The following BANP variants were observed in gnomAD, a reference collection of about 807,000 sequenced individuals.
The protein encoded by BANP is protein BANP.
A neutral mutation model predicts 68.1 loss-of-function variants in BANP; 11 were observed. That is an observed-to-expected ratio of 0.16 (90% CI 0.10 to 0.27). The LOEUF is 0.27. Among genes scored for constraint, BANP ranks in the 10% least tolerant of loss-of-function variants. The pLI, the probability that BANP is intolerant of heterozygous loss-of-function variation, is 1.00. For synonymous variants in BANP, 329 were observed against 303.2 expected (o/e 1.09, Z -0.88); for missense variants, 504 against 722.7 (o/e 0.70, Z 3.47).
intron 1 of BANP, among the ~76,000 whole-genome samples, chr16:87,965,722 G>A (rs1311688529): frequency 6.6e-6 from 1 of 152,190 alleles, no homozygotes; most frequent in East Asian, 1.9e-4. Context: ...ATGCCTTGGT[G>A]GCTGAGAAGT....
chr16:87,974,962 AT>A, intron 1 of BANP, 85 bp from the exon 2 acceptor site: 1 of 650,606 alleles, frequency 1.5e-6, no homozygotes, highest in Admixed American at 2.5e-5. Context: ...GGCCTCTTGC[AT>A]ACACGTGCTC....
At chr16:87,967,811 C>A (rs552037543) in intron 1 of BANP, among the ~76,000 whole-genome samples, 3 of 151,650 alleles carry the variant, frequency 2.0e-5, no homozygotes, top group East Asian at 3.9e-4. Flanking sequence ...TTAGTAGAGA[C>A]GGCGTTTCAC....
chr16:88,051,054 A>G (rs775336646), intron 11 of BANP, among the ~76,000 whole-genome samples: 2 of 152,236 alleles, frequency 1.3e-5, no homozygotes, highest in Non-Finnish European at 2.9e-5. Flanking sequence ...GCTAACCTGC[A>G]TAGCCAGCTG....
intron 4 of BANP, among the ~76,000 whole-genome samples, chr16:87,996,061 C>T (rs111694986): frequency 1.3e-5 from 2 of 152,220 alleles, no homozygotes; most frequent in African/African-American, 4.8e-5. Flanking sequence ...TCAGCATCTC[C>T]ATGTCAGTTG....
chr16:88,016,803 TC>T (rs1198172280), intron 6 of BANP, among the ~76,000 whole-genome samples: 1 of 152,120 alleles, frequency 6.6e-6, no homozygotes, highest in African/African-American at 2.4e-5. Flanking sequence ...GAGCGTACGT[TC>T]CTGGCAGCAT....
At chr16:87,964,584 G>T (rs534758368) in intron 1 of BANP, among the ~76,000 whole-genome samples, 3 of 127,896 alleles carry the variant, frequency 2.3e-5, no homozygotes, top group Admixed American at 1.6e-4. Flanking sequence ...CAGAGGGCCC[G>T]TGAGATGGGA....
intron 9 of BANP, among the ~76,000 whole-genome samples, chr16:88,034,543 T>G (rs2078893083): frequency 6.6e-6 from 1 of 152,218 alleles, no homozygotes; most frequent in South Asian, 2.1e-4. Context: ...TTCTTTGATT[T>G]GAAAAACGTT....
At chr16:87,978,438 A>T (rs2062609621) in intron 2 of BANP, 1 of 350,866 alleles carries the variant, frequency 2.9e-6, no homozygotes, top group Admixed American at 3.9e-5. Flanking sequence ...CTGTTCTTCC[A>T]GGCCTTGTGT....
intron 4 of BANP, among the ~76,000 whole-genome samples, chr16:87,997,290 A>G (rs2067521895): frequency 6.6e-6 from 1 of 152,262 alleles, no homozygotes; most frequent in Non-Finnish European, 1.5e-5. Context: ...CATCAAAGTA[A>G]AACAGTTAAA....
chr16:88,071,624 G>C lies in BANP; in HGVS notation c.1378-445G>C. On this transcript the variant is annotated intron_variant, in intron 12 of 13. Transcript: ENST00000682872. This position sits in a 1 kb window ranked among gnomAD's most constrained non-coding sequence, Gnocchi z 6.5. ...CTTGAGGTCACTCTGCCTTGGGAAT[G>C]GGGAGGGTTTGGGTCTCAGCCTCAC... 1 of 461,540 alleles carries C rather than the reference G, an allele frequency of 2.2e-6. No individual in the cohort carries two copies. The highest frequency in any genetic ancestry group is 2.3e-5 in the Admixed American group (1 of 42,694). The allele number at this position is 461,540 out of a possible 1,614,324, so 28.6% of individuals were successfully genotyped here.
At chr16:88,062,140 G>C (rs1161638249) in intron 11 of BANP, among the ~76,000 whole-genome samples, 3 of 152,090 alleles carry the variant, frequency 2.0e-5, no homozygotes, top group Non-Finnish European at 4.4e-5. Context: ...TTTCATCCTC[G>C]TTTCTGTCCA....
In BANP at chr16:88,071,763, C is replaced by T. The variant is rs1173437325; in HGVS notation, c.1378-306C>T. 4 of 613,798 alleles carry T rather than the reference C, an allele frequency of 6.5e-6. No individual in the cohort carries two copies. In the East Asian group the frequency reaches 1.3e-4, roughly 20 times the overall value. 38.0% of individuals were successfully genotyped at this position (613,798 alleles called of 1,614,324 possible). A position where few individuals can be genotyped will look rare whatever the true frequency, so the allele number is the denominator to read the frequency against. ...GCTCTGTGGCATTTGCTGTTGCTCT[C>T]TTTTTCTGTGGAAGCTCTGCCTTGC... is the stretch of plus-strand genomic sequence containing the variant. On this transcript the variant is annotated intron_variant, in intron 12 of 13. Coordinates refer to ENST00000682872, the MANE Select transcript of BANP (RefSeq NM_001386991.1). This position sits in a 1 kb window ranked among gnomAD's most constrained non-coding sequence, Gnocchi z 6.5.
chr16:87,962,541 G>T (rs879347689), intron 1 of BANP, among the ~76,000 whole-genome samples: 1 of 152,084 alleles, frequency 6.6e-6, no homozygotes, highest in African/African-American at 2.4e-5. Flanking sequence ...GAGCCTAGAC[G>T]CTTCTTAAGA....
At chr16:88,068,992 C>T (rs2089579315) in intron 12 of BANP, among the ~76,000 whole-genome samples, 2 of 151,976 alleles carry the variant, frequency 1.3e-5, no homozygotes, top group African/African-American at 4.8e-5. Context: ...CCTGCCCCTG[C>T]ACCCAGCCCA....
intron 1 of BANP, among the ~76,000 whole-genome samples, chr16:87,970,761 G>T (rs1481259809): frequency 1.3e-5 from 2 of 152,112 alleles, no homozygotes; most frequent in Non-Finnish European, 1.5e-5. Context: ...GGCTCGGCCT[G>T]TCATCCCAGC....
At chr16:88,028,703 T>G (rs1463425289) in intron 8 of BANP, among the ~76,000 whole-genome samples, 1 of 152,226 alleles carries the variant, frequency 6.6e-6, no homozygotes, top group African/African-American at 2.4e-5. Context: ...TGAAATACCA[T>G]GTAGCAGCGT....
intron 11 of BANP, among the ~76,000 whole-genome samples, chr16:88,051,376 T>A (rs2083240236): frequency 6.6e-6 from 1 of 152,146 alleles, no homozygotes; most frequent in Admixed American, 6.5e-5. Flanking sequence ...CATGTGTAGA[T>A]GTGGAGCTCC....
chr16:88,003,380 G>C lies in BANP; in HGVS notation c.363-915G>C. The C allele has an allele frequency of 2.2e-6, 1 of 452,666 alleles. No homozygotes were observed. Among genetic ancestry groups the C allele is most frequent in the Admixed American group, 2.4e-5 (1 of 42,364 alleles). The allele number at this position is 452,666 out of a possible 1,614,324, so 28.0% of individuals were successfully genotyped here. On this transcript the variant is annotated intron_variant, in intron 4 of 13. Coordinates refer to ENST00000682872, the MANE Select transcript of BANP (RefSeq NM_001386991.1). The surrounding 1 kb of genome is among the most constrained non-coding windows in gnomAD (Gnocchi z 6.1). ...CCTATGTGCAGATCACAGAAAGGCA[G>C]GCTTCCCAGGTTGGTTTTTGGAGAG...
Position 87,957,640 on chromosome 16 carries a change from C to G in BANP, c.-69+6125C>G, listed in dbSNP as rs2058352313. ...CTTTTCCCTTGAGATGAAAAGTCAT[C>G]AAATATCTGGAAGCAAAGCTTAATC... On this transcript the variant is annotated intron_variant, in intron 1 of 13. Transcript: ENST00000682872. The surrounding 1 kb of genome is among the most constrained non-coding windows in gnomAD (Gnocchi z 4.3). Among the ~76,000 whole-genome samples the G allele has an allele frequency of 1.3e-5, 2 of 152,232 alleles. No individual in the cohort carries two copies. Among genetic ancestry groups the G allele is most frequent in the South Asian group, 4.1e-4 (2 of 4,832 alleles).
Sources: gnomAD v4.1 joint callset for allele counts (sites outside exome capture counted in the v4.1 genomes callset) on GRCh38, gnomAD v4.1.1 for gene constraint, Gnocchi (gnomAD v3.1) non-coding constraint, MANE v1.5 for transcripts, NCBI Gene and HGNC (gene_info 2026-07-23, HGNC 2026-07-21) for gene names.